Variants in RNLS observed in about 807,000 individuals in gnomAD.
RNLS encodes the protein renalase.
Under a neutral mutation model 39.8 loss-of-function variants are expected in RNLS, and 39 were observed. That is an observed-to-expected ratio of 0.98 (90% CI 0.76 to 1.28). The LOEUF (loss-of-function observed/expected upper bound fraction) is 1.28. Ranked by LOEUF, RNLS falls within the 50% of genes most tolerant of loss-of-function variation. The pLI is 0.00. For missense variants in RNLS, 410 were observed against 413.3 expected, an observed-to-expected ratio of 0.99 and a Z score of 0.07; for synonymous variants, 147 against 150.7, an observed-to-expected ratio of 0.98 and a Z score of 0.18.
At chr10:88,384,401 A>G (rs986762790) in intron 4 of RNLS, among the ~76,000 whole-genome samples, 2 of 152,224 alleles carry the variant, frequency 1.3e-5, no homozygotes. Context: ...TTCCCATTTT[A>G]CACATGAAAA....
intron 5 of RNLS, among the ~76,000 whole-genome samples, chr10:88,344,111 G>T (rs968007663): frequency 6.6e-6 from 1 of 152,080 alleles, no homozygotes; most frequent in Non-Finnish European, 1.5e-5. Context: ...TCCTGAATTG[G>T]GCAAGGTTTT....
At chr10:88,497,386 A>C (rs1179481587) in intron 4 of RNLS, among the ~76,000 whole-genome samples, 1 of 152,076 alleles carries the variant, frequency 6.6e-6, no homozygotes, top group East Asian at 1.9e-4. Context: ...AAGATTTATA[A>C]TGCCTTGATT....
chr10:88,502,486 GCTCCTCTTT>G (rs1845559874), intron 4 of RNLS, among the ~76,000 whole-genome samples: 1 of 152,118 alleles, frequency 6.6e-6, no homozygotes, highest in East Asian at 1.9e-4. Context: ...GCACAGGGCT[GCTCCTCTTT>G]CGCTTTCCAC....
chr10:88,577,485 G>C (rs1048583728), intron 3 of RNLS, among the ~76,000 whole-genome samples: 1 of 152,100 alleles, frequency 6.6e-6, no homozygotes, highest in Non-Finnish European at 1.5e-5. Flanking sequence ...AACAAATAGG[G>C]ATGATGATTA....
chr10:88,504,842 AGAGTGTGT>A (rs1487622264), intron 4 of RNLS, among the ~76,000 whole-genome samples: 11 of 106,822 alleles, frequency 1.0e-4, no homozygotes, highest in Admixed American at 8.4e-4. Flanking sequence ...AGAGAGAGAC[AGAGTGTGT>A]GTGTGTGTGT....
chr10:88,527,928 C>G (rs555801648), intron 4 of RNLS, among the ~76,000 whole-genome samples: 1 of 148,968 alleles, frequency 6.7e-6, no homozygotes, highest in African/African-American at 2.5e-5. Flanking sequence ...AAGGACACTA[C>G]AATAAAAATA....
intron 4 of RNLS, among the ~76,000 whole-genome samples, chr10:88,492,875 GAT>G (rs1844964328): frequency 6.6e-6 from 1 of 152,084 alleles, no homozygotes; most frequent in Non-Finnish European, 1.5e-5. Context: ...TTAGAGACAT[GAT>G]ATGTTTTCTT....
At chr10:88,460,128 G>A (rs891081134) in intron 4 of RNLS, among the ~76,000 whole-genome samples, 2 of 152,128 alleles carry the variant, frequency 1.3e-5, no homozygotes, top group African/African-American at 4.8e-5. Flanking sequence ...CTAAGGCTCA[G>A]GTAGGTAAGA....
the RNLS span, among the ~76,000 whole-genome samples, chr10:88,214,121 T>C: frequency 5.3e-5 from 8 of 152,294 alleles, no homozygotes; most frequent in Admixed American, 5.2e-4. Context: ...GTAGTAGCAG[T>C]TGGCAGTAGT....
chr10:88,437,203 G>A (rs1206043191), intron 4 of RNLS, among the ~76,000 whole-genome samples: 1 of 152,168 alleles, frequency 6.6e-6, no homozygotes, highest in African/African-American at 2.4e-5. Flanking sequence ...ATCTGTGAGT[G>A]GTATAAAGAA....
At chr10:88,207,227 G>A in the RNLS span, among the ~76,000 whole-genome samples, 1 of 152,090 alleles carries the variant, frequency 6.6e-6, no homozygotes. Context: ...AGCCACTTAA[G>A]AGAATGAGAA....
At chr10:88,245,713 T>A in the RNLS span, among the ~76,000 whole-genome samples, 1 of 152,154 alleles carries the variant, frequency 6.6e-6, no homozygotes, top group African/African-American at 2.4e-5. Flanking sequence ...TCTAATTTAG[T>A]GAGAGGGACT....
At chr10:88,489,146 G>A (rs1256555120) in intron 4 of RNLS, among the ~76,000 whole-genome samples, 1 of 152,156 alleles carries the variant, frequency 6.6e-6, no homozygotes, top group Non-Finnish European at 1.5e-5. Flanking sequence ...AGAAAAAAGA[G>A]AGGCCTGTGT....
At chr10:88,176,942 T>A in the RNLS span, among the ~76,000 whole-genome samples, 1 of 152,222 alleles carries the variant, frequency 6.6e-6, no homozygotes, top group Non-Finnish European at 1.5e-5. Flanking sequence ...CTCTAAGAAA[T>A]CTGCTGTTAG....
intron 5 of RNLS, among the ~76,000 whole-genome samples, chr10:88,351,795 A>T (rs1362585975): frequency 1.3e-5 from 2 of 152,198 alleles, no homozygotes; most frequent in Non-Finnish European, 2.9e-5. Context: ...TACCTTGGGC[A>T]GTATGGCCAT....
At chr10:88,552,105 T>C (rs2134341618) in intron 4 of RNLS, among the ~76,000 whole-genome samples, 1 of 152,322 alleles carries the variant, frequency 6.6e-6, no homozygotes, top group East Asian at 1.9e-4. Context: ...TTTATTAATC[T>C]TCCCAAATGC....
chr10:88,428,381 C>A (rs1017867096), intron 4 of RNLS, among the ~76,000 whole-genome samples: 1 of 151,034 alleles, frequency 6.6e-6, no homozygotes, highest in Non-Finnish European at 1.5e-5. Context: ...TCAAATTTGT[C>A]TTTTGCAAGA....
intron 4 of RNLS, among the ~76,000 whole-genome samples, chr10:88,531,413 T>C (rs1248056124): frequency 6.6e-6 from 1 of 152,132 alleles, no homozygotes; most frequent in African/African-American, 2.4e-5. Context: ...ATTTGAGCAT[T>C]TGAAAAACCC....
At chr10:88,374,958 T>G (rs1850860139) in intron 4 of RNLS, among the ~76,000 whole-genome samples, 1 of 152,040 alleles carries the variant, frequency 6.6e-6, no homozygotes, top group Non-Finnish European at 1.5e-5. Flanking sequence ...AATGACCTCC[T>G]CCCCACTTGC....
Sources: gnomAD v4.1 joint callset for allele counts (sites outside exome capture counted in the v4.1 genomes callset) on GRCh38, gnomAD v4.1.1 for gene constraint, MANE v1.5 for transcripts, NCBI Gene and HGNC (gene_info 2026-07-23, HGNC 2026-07-21) for gene names.